The following POSTN variants were observed in gnomAD, a reference collection of about 807,000 sequenced individuals.
The protein encoded by POSTN is osteoblast specific factor 2 (fasciclin I-like).
In POSTN, 71 loss-of-function variants were observed where a neutral mutation model predicts 104.5. The observed-to-expected ratio is 0.68, with a 90% confidence interval of 0.56 to 0.83. The LOEUF is 0.83. POSTN is among the 40% of genes least tolerant of loss of function. POSTN has a pLI of 0.00. For synonymous variants in POSTN, 355 were observed against 340.7 expected (o/e 1.04, Z -0.46); for missense variants, 949 against 1,006.8 (o/e 0.94, Z 0.78).
rs1566018399 is a variant in POSTN, at chr13:37,577,814, TATATTTA to T, written c.1963-23_1963-17del. On this transcript the variant is annotated splice_polypyrimidine_tract_variant and intron_variant, in intron 15 of 22. Coordinates refer to ENST00000379747, the MANE Select transcript of POSTN (RefSeq NM_006475.3). Reference sequence around the variant, plus strand: ...CACGAACAAACTGAAAATAAATGTTTATATTTAGTAACATGAAAGGTGATAGTTGTGT... The same window carrying T: ...CACGAACAAACTGAAAATAAATGTTTGTAACATGAAAGGTGATAGTTGTGT... 1 of 1,613,432 alleles carries T rather than the reference TATATTTA, an allele frequency of 6.2e-7. No homozygotes were observed. The highest frequency in any genetic ancestry group is 1.1e-5 in the South Asian group (1 of 91,026).
chr13:37,569,170 G>A lies in POSTN; in HGVS notation c.2431+130C>T, dbSNP rs1455207445. 3 of 613,646 alleles carry A rather than the reference G, an allele frequency of 4.9e-6. No homozygotes were observed. The African/African-American group carries it at 5.9e-5, about 12-fold the overall frequency. The allele number at this position is 613,646 out of a possible 1,614,324, so 38.0% of individuals were successfully genotyped here. ...ACCATTGAACCAATCCATCTATTAA[G>A]ACAACAGTGGATGTTGTCTTTTTTT... On this transcript the variant is annotated intron_variant, in intron 21 of 22. Coordinates refer to ENST00000379747, the MANE Select transcript of POSTN (RefSeq NM_006475.3).
At chr13:37,592,284 T>A (rs1457194143) in intron 2 of POSTN, 120 bp from the exon 3 acceptor site, 1 of 676,856 alleles carries the variant, frequency 1.5e-6, no homozygotes, top group Non-Finnish European at 2.4e-6. Flanking sequence ...AAATCAGGTT[T>A]TTTTTCCCCC....
chr13:37,568,988 T>C (rs1950187288), intron 21 of POSTN: 1 of 184,362 alleles, frequency 5.4e-6, no homozygotes, highest in African/African-American at 2.3e-5. Flanking sequence ...GTTTAACAGC[T>C]AGCAATTTAA....
Position 37,580,644 on chromosome 13 carries a change from G to T in POSTN, c.1446C>A (p.Asn482Lys), listed in dbSNP as rs147888983. The T allele has an allele frequency of 3.7e-6, 6 of 1,613,858 alleles. No homozygotes were observed. Among genetic ancestry groups the T allele is most frequent in the Non-Finnish European group, 5.1e-6 (6 of 1,179,954 alleles). Residue 482 changes from asparagine (N) to lysine (K), a missense_variant, in exon 11 of 23, where the codon AAC becomes AAA. Asn to Lys is a moderately conservative substitution (Grantham distance 94, BLOSUM62 0). Transcript: ENST00000379747. ...TCTCGCGGAATATGTGAATCGCACC[G>T]TTTCTCCCTTGCTTACTCCCTTTCT... ...CMEKGSKQGR[N>K]GAIHIFREII... is the part of the protein sequence containing the mutation.
rs375149310 is a variant in POSTN, at chr13:37,579,247, G to T, written c.1773C>A (p.Ser591Arg). ...AACTTACTTCTTTCAGAAAGATTTTGCTTCCTTGTGTGGTCTTTAAAATGT... is the reference window on the plus strand; with the variant it reads ...AACTTACTTCTTTCAGAAAGATTTTTCTTCCTTGTGTGGTCTTTAAAATGT... ...VTNILKTTQGSKIFLKEVNDT... is the reference protein window; with the variant it reads ...VTNILKTTQGRKIFLKEVNDT... Residue 591 changes from serine (S) to arginine (R), a missense_variant, in exon 13 of 23, where the codon AGC becomes AGA. Coordinates refer to ENST00000379747, the MANE Select transcript of POSTN (RefSeq NM_006475.3). 5.0e-6 allele frequency: 8 copies of T among 1,611,082 alleles called. No individual in the cohort carries two copies. The highest frequency in any genetic ancestry group is 6.8e-6 in the Non-Finnish European group (8 of 1,177,610).
intron 17 of POSTN, among the ~76,000 whole-genome samples, chr13:37,573,888 C>T (rs575628743): frequency 9.9e-5 from 15 of 151,104 alleles, no homozygotes; most frequent in African/African-American, 3.1e-4. Flanking sequence ...AAAGTAACTG[C>T]TTATTTAATG....
intron 3 of POSTN, 91 bp from the exon 4 acceptor site, chr13:37,590,620 A>G (rs1950902696): frequency 9.3e-7 from 1 of 1,075,638 alleles, no homozygotes; most frequent in Non-Finnish European, 1.2e-6. Flanking sequence ...GTTTCCCAAG[A>G]CATTTAGCTA....
intron 6 of POSTN, 63 bp from the exon 7 acceptor site, chr13:37,586,343 C>A: frequency 6.5e-7 from 1 of 1,531,490 alleles, no homozygotes; most frequent in South Asian, 1.2e-5. Context: ...GATTGCAACA[C>A]ACTTAGCCTA....
rs1949965205 is a variant in POSTN, at chr13:37,562,595, T to C, written c.*738A>G. ...CTCAAGAAACACTAATTTCATTCAA[T>C]TTCCTTTAATGAGTACTTGTTACAG... On this transcript the variant is annotated 3_prime_UTR_variant, in exon 23 of 23. Transcript: ENST00000379747. 6.6e-6 allele frequency: 1 copy of C among 152,208 alleles called. No homozygotes were observed. Among genetic ancestry groups the C allele is most frequent in the African/African-American group, 2.4e-5 (1 of 41,454 alleles). 9.4% of individuals were successfully genotyped at this position (152,208 alleles called of 1,614,324 possible).
At chr13:37,580,822 G>T in intron 10 of POSTN, 125 bp from the exon 11 acceptor site, 1 of 1,079,660 alleles carries the variant, frequency 9.3e-7, no homozygotes, top group Non-Finnish European at 1.3e-6. Flanking sequence ...CTGAGGCCAC[G>T]GGAACAGCTT....
chr13:37,562,657 C>T lies in POSTN; in HGVS notation c.*676G>A, dbSNP rs1056405125. 6 of 152,058 alleles carry T rather than the reference C, an allele frequency of 3.9e-5. No individual in the cohort carries two copies. The highest frequency in any genetic ancestry group is 1.2e-4 in the African/African-American group (5 of 41,386). The allele number at this position is 152,058 out of a possible 1,614,324, so 9.4% of individuals were successfully genotyped here. A position where few individuals can be genotyped will look rare whatever the true frequency, so the allele number is the denominator to read the frequency against. On this transcript the variant is annotated 3_prime_UTR_variant, in exon 23 of 23. Coordinates refer to ENST00000379747, the MANE Select transcript of POSTN (RefSeq NM_006475.3). Reference sequence around the variant, plus strand: ...TAAAGTCCTGTTCCCAAGTCCAAACCACTTTTTAACTTAAATCTTGAGTTT... The same window carrying T: ...TAAAGTCCTGTTCCCAAGTCCAAACTACTTTTTAACTTAAATCTTGAGTTT...
intron 2 of POSTN, among the ~76,000 whole-genome samples, chr13:37,594,953 A>G (rs887035161): frequency 6.6e-6 from 1 of 152,028 alleles, no homozygotes; most frequent in African/African-American, 2.4e-5. Context: ...TTGAAAATGA[A>G]TCTACTTTAG....
At chr13:37,569,695 A>G (rs1172967641) in intron 20 of POSTN, 49 bp downstream of exon 20, 5 of 1,297,304 alleles carry the variant, frequency 3.9e-6, no homozygotes, top group Non-Finnish European at 5.6e-6. Context: ...AGACTTGTAT[A>G]TGGATAGCTT....
intron 20 of POSTN, 116 bp from the exon 21 acceptor site, chr13:37,569,499 T>C: frequency 1.1e-6 from 1 of 910,230 alleles, no homozygotes. Flanking sequence ...CAACACTCGA[T>C]TCTTTCACAA....
intron 16 of POSTN, 60 bp from the exon 17 acceptor site, chr13:37,574,712 T>G (rs1950356849): frequency 1.3e-6 from 2 of 1,498,194 alleles, no homozygotes; most frequent in African/African-American, 1.4e-5. Flanking sequence ...ACAAAGGTTT[T>G]TTTTTTTTTT....
intron 2 of POSTN, among the ~76,000 whole-genome samples, chr13:37,593,852 A>C (rs1951011388): frequency 6.6e-6 from 1 of 151,734 alleles, no homozygotes; most frequent in Admixed American, 6.6e-5. Context: ...TGCTACACTA[A>C]GTAATTATCT....
At position 37,597,164 on chromosome 13, in the gene POSTN, G is replaced by GAAA. The variant is rs746637237; in HGVS notation, c.218+17_218+19dup. On this transcript the variant is annotated intron_variant, in intron 2 of 22. Coordinates refer to ENST00000379747, the MANE Select transcript of POSTN (RefSeq NM_006475.3). ...GTTGTTTTTGGAACTGACATATTATGAAAAAAAAAAGAGACTTACGTTTTC... is the reference window on the plus strand; with the variant it reads ...GTTGTTTTTGGAACTGACATATTATGAAAAAAAAAAAAAGAGACTTACGTTTTC... 3 of 1,282,244 alleles carry GAAA rather than the reference G, an allele frequency of 2.3e-6. No homozygotes were observed. Among genetic ancestry groups the GAAA allele is most frequent in the Non-Finnish European group, 2.1e-6 (2 of 947,480 alleles). 79.4% of individuals were successfully genotyped at this position (1,282,244 alleles called of 1,614,324 possible).
In POSTN at chr13:37,583,969, C is replaced by A; in HGVS notation, c.1243G>T (p.Asp415Tyr). ...LLAPVNNAFS[D>Y]DTLSMDQRLL... ...AGGAACAACAGTGTCCAGCACATAC[C>A]AGAAAATGCATTATTCACAGGTGCC... Residue 415 changes from aspartate to tyrosine, a missense_variant and splice_region_variant, in exon 9 of 23, where the codon GAT becomes TAT. Asp to Tyr is a radical substitution (Grantham distance 160, BLOSUM62 -3). Transcript: ENST00000379747. 6.2e-7 allele frequency: 1 copy of A among 1,613,186 alleles called. No individual in the cohort carries two copies. The highest frequency in any genetic ancestry group is 8.5e-7 in the Non-Finnish European group (1 of 1,179,538).
At chr13:37,578,614 A>C (rs981795561) in intron 15 of POSTN, among the ~76,000 whole-genome samples, 1 of 151,784 alleles carries the variant, frequency 6.6e-6, no homozygotes, top group Non-Finnish European at 1.5e-5. Flanking sequence ...TGGCGAACAC[A>C]GTGAAACCCC....
Sources: allele counts gnomAD v4.1 joint callset (sites outside exome capture counted in the v4.1 genomes callset), GRCh38; gene constraint gnomAD v4.1.1; transcripts MANE v1.5; gene names NCBI Gene and HGNC (gene_info 2026-07-23, HGNC 2026-07-21).